Variants in PDS5A observed in about 807,000 individuals in gnomAD.
The protein encoded by PDS5A is PDS5 cohesin associated factor A, also known as sister chromatid cohesion protein PDS5 homolog A.
Under a neutral mutation model 167.1 loss-of-function variants are expected in PDS5A, and 42 were observed. That is an observed-to-expected ratio of 0.25 (90% CI 0.20 to 0.33). The LOEUF (loss-of-function observed/expected upper bound fraction) is 0.33, where lower values mean the gene tolerates loss of function less well. Ranked by LOEUF, PDS5A falls within the 10% of genes least tolerant of loss-of-function variation. The pLI, the probability that PDS5A is intolerant of heterozygous loss-of-function variation, is 1.00. For synonymous variants in PDS5A, 553 were observed against 554.6 expected, an observed-to-expected ratio of 1.00 and a Z score of 0.04; for missense variants, 1,033 against 1,605.9, an observed-to-expected ratio of 0.64 and a Z score of 6.10.
intron 32 of PDS5A, among the ~76,000 whole-genome samples, chr4:39,826,737 G>A (rs1260459566): frequency 6.6e-6 from 1 of 151,762 alleles, no homozygotes; most frequent in East Asian, 1.9e-4. Context: ...TGCCTGCCTC[G>A]GCCTCCCAAA....
chr4:39,925,783 G>A lies in PDS5A; in HGVS notation c.527+53C>T, dbSNP rs1387522179. The A allele has an allele frequency of 6.0e-6, 4 of 663,668 alleles. No homozygotes were observed. In the African/African-American group the frequency reaches 7.4e-5, roughly 12 times the overall value. 41.1% of individuals were successfully genotyped at this position (663,668 alleles called of 1,614,324 possible). A position where few individuals can be genotyped will look rare whatever the true frequency, so the allele number is the denominator to read the frequency against. On this transcript the variant is annotated intron_variant, in intron 5 of 32. Transcript: ENST00000303538. The stretch of plus-strand genomic sequence containing the variant: ...TGTACATGTAGAGTATACAACATCT[G>A]AATACATAATCAAGAAAAAGAGACA...
In PDS5A at chr4:39,890,760, G is replaced by A. The variant is rs1405024328; in HGVS notation, c.1771-396C>T. Among the ~76,000 whole-genome samples the A allele has an allele frequency of 2.0e-5, 3 of 151,530 alleles. No homozygotes were observed. In the East Asian group the frequency reaches 5.9e-4, roughly 30 times the overall value. On this transcript the variant is annotated intron_variant, in intron 16 of 32. Transcript: ENST00000303538. ...GGCTCCAGAGTAGCTGGGATTACAG[G>A]CACGTGCCTCCATGCCCAGCTAATT...
chr4:39,860,420 A>G (rs1175454321), intron 26 of PDS5A, among the ~76,000 whole-genome samples: 2 of 151,882 alleles, frequency 1.3e-5, no homozygotes, highest in African/African-American at 4.8e-5. Flanking sequence ...AGTTGAGATC[A>G]TTCCACTGCA....
chr4:39,896,719 T>A (rs1484286243), intron 16 of PDS5A, among the ~76,000 whole-genome samples: 1 of 151,022 alleles, frequency 6.6e-6, no homozygotes, highest in Non-Finnish European at 1.5e-5. Context: ...TGGGCCATGA[T>A]AACATCACTG....
chr4:39,923,392 A>T (rs956531678), intron 5 of PDS5A, among the ~76,000 whole-genome samples: 25 of 151,886 alleles, frequency 1.6e-4, no homozygotes, highest in South Asian at 2.1e-4. Context: ...AAATAAATTA[A>T]GTCTTTACAC....
At chr4:39,899,851 T>TA (rs532738160) in intron 14 of PDS5A, among the ~76,000 whole-genome samples, 2,526 of 102,204 alleles carry the variant, frequency 0.025, 85 homozygotes, top group African/African-American at 0.063. Context: ...TCCTGTGTAT[T>TA]AAAAAAAAAA....
chr4:39,976,714 C>G, intron 1 of PDS5A, 97 bp from the exon 2 acceptor site: 1 of 593,540 alleles, frequency 1.7e-6, no homozygotes, highest in South Asian at 3.3e-5. Flanking sequence ...GCCCTGTCTC[C>G]CCAGAGGCCG....
In PDS5A at chr4:39,862,216, T is replaced by TA; in HGVS notation, c.3086+2dup. 7.9e-7 allele frequency: 1 copy of TA among 1,269,094 alleles called. No homozygotes were observed. The highest frequency in any genetic ancestry group is 1.1e-6 in the Non-Finnish European group (1 of 913,024). The allele number at this position is 1,269,094 out of a possible 1,614,324, so 78.6% of individuals were successfully genotyped here. On this transcript the variant is annotated splice_region_variant and intron_variant, in intron 26 of 32. Transcript: ENST00000303538. ...AGAGTTCTTGAAAAACAACAAGACT[T>TA]ACTCTTTGATATCACGAAGCTGATC...
intron 2 of PDS5A, among the ~76,000 whole-genome samples, chr4:39,948,621 ATTT>A (rs55951253): frequency 7.2e-5 from 8 of 110,920 alleles, no homozygotes; most frequent in Admixed American, 1.0e-4. Context: ...CCACGCCTGG[ATTT>A]TTTTTTTTTT....
At chr4:39,911,637 C>T (rs989073742) in intron 9 of PDS5A, among the ~76,000 whole-genome samples, 2 of 151,824 alleles carry the variant, frequency 1.3e-5, no homozygotes, top group Non-Finnish European at 2.9e-5. Flanking sequence ...TCAAGACCAT[C>T]CTGGCTAACA....
chr4:39,878,206 T>A (rs1029818378), intron 18 of PDS5A, among the ~76,000 whole-genome samples: 2 of 152,192 alleles, frequency 1.3e-5, no homozygotes, highest in African/African-American at 4.8e-5. Flanking sequence ...GTGTAGACAC[T>A]GTCTCACTTG....
rs755108109 is a variant in PDS5A, at chr4:39,872,954, T to C, written c.2436+32A>G. The C allele has an allele frequency of 4.5e-6, 6 of 1,333,410 alleles. No individual in the cohort carries two copies. The East Asian group carries it at 1.5e-4, about 34-fold the overall frequency. 82.6% of individuals were successfully genotyped at this position (1,333,410 alleles called of 1,614,324 possible). A position where few individuals can be genotyped will look rare whatever the true frequency, so the allele number is the denominator to read the frequency against. On this transcript the variant is annotated intron_variant, in intron 21 of 32. Transcript: ENST00000303538. Reference sequence around the variant, plus strand: ...GAAGATGTAAACAGCCTTAATCTCATGATTCTCAATTTAATTAAATGAGAA... The same window carrying C: ...GAAGATGTAAACAGCCTTAATCTCACGATTCTCAATTTAATTAAATGAGAA...
At chr4:39,908,772 CCAGCA>C (rs1723612643) in intron 10 of PDS5A, 1 of 462,870 alleles carries the variant, frequency 2.2e-6, no homozygotes, top group African/African-American at 2.0e-5. Context: ...AACTGTAATA[CCAGCA>C]CTTTGGGAGG....
At chr4:39,886,917 GGATT>G (rs928103352) in intron 17 of PDS5A, among the ~76,000 whole-genome samples, 4 of 150,624 alleles carry the variant, frequency 2.7e-5, no homozygotes, top group African/African-American at 9.8e-5. Context: ...TTGATTTTTC[GGATT>G]GTTTGCTGTC....
chr4:39,841,882 T>C (rs2109495345), intron 31 of PDS5A, 66 bp downstream of exon 31: 1 of 840,654 alleles, frequency 1.2e-6, no homozygotes, highest in South Asian at 1.5e-5. Context: ...GTAGATTTCT[T>C]ATCCCTACGG....
intron 2 of PDS5A, among the ~76,000 whole-genome samples, chr4:39,950,545 C>A (rs572320689): frequency 6.6e-6 from 1 of 152,084 alleles, no homozygotes; most frequent in African/African-American, 2.4e-5. Flanking sequence ...CCAGCCTGGG[C>A]AACATGGTGA....
In PDS5A at chr4:39,824,211, T is replaced by G. The variant is rs767736955; in HGVS notation, c.*1274A>C. 1 of 152,218 alleles carries G rather than the reference T, an allele frequency of 6.6e-6. No homozygotes were observed. The highest frequency in any genetic ancestry group is 1.5e-5 in the Non-Finnish European group (1 of 68,044). 9.4% of individuals were successfully genotyped at this position (152,218 alleles called of 1,614,324 possible). A position where few individuals can be genotyped will look rare whatever the true frequency, so the allele number is the denominator to read the frequency against. The stretch of plus-strand genomic sequence containing the variant: ...AAAAACCTGAGGCTTAGTCACTATT[T>G]TATATAGATAATGGAGAGTTGACTG... On this transcript the variant is annotated 3_prime_UTR_variant, in exon 33 of 33. Coordinates refer to ENST00000303538, the MANE Select transcript of PDS5A (RefSeq NM_001100399.2).
At position 39,949,609 on chromosome 4, in the gene PDS5A, T is replaced by C. The variant is rs533405968; in HGVS notation, c.139-21445A>G. On this transcript the variant is annotated intron_variant, in intron 2 of 32. Coordinates refer to ENST00000303538, the MANE Select transcript of PDS5A (RefSeq NM_001100399.2). Reference sequence around the variant, plus strand: ...TGGGGTTCTGAGGCAGGTGGATGGATCATTTGAGCCCAGGAGTTCAAGACC... The same window carrying C: ...TGGGGTTCTGAGGCAGGTGGATGGACCATTTGAGCCCAGGAGTTCAAGACC... Among the ~76,000 whole-genome samples the C allele has an allele frequency of 4.6e-5, 7 of 151,000 alleles. No individual in the cohort carries two copies. In the South Asian group the frequency reaches 1.5e-3, roughly 32 times the overall value.
chr4:39,967,082 A>G lies in PDS5A; in HGVS notation c.138+9358T>C, dbSNP rs1397884095. 4.6e-5 allele frequency among the ~76,000 whole-genome samples: 7 copies of G among 152,214 alleles called. No homozygotes were observed. In the East Asian group the frequency reaches 1.4e-3, roughly 29 times the overall value. On this transcript the variant is annotated intron_variant, in intron 2 of 32. Coordinates refer to ENST00000303538, the MANE Select transcript of PDS5A (RefSeq NM_001100399.2). ...CGCTTTGGGAGGCCGAGGTGGGTGG[A>G]TCACTTGAGGTCAGGAGCTCGAGAC...
Sources: allele counts gnomAD v4.1 joint callset (sites outside exome capture counted in the v4.1 genomes callset), GRCh38; gene constraint gnomAD v4.1.1; transcripts MANE v1.5; gene names NCBI Gene and HGNC (gene_info 2026-07-23, HGNC 2026-07-21).